Variants in GSK3B observed in about 807,000 individuals in gnomAD.
The protein encoded by GSK3B is glycogen synthase kinase-3 beta.
Under a neutral mutation model 56.4 loss-of-function variants are expected in GSK3B, and 15 were observed. The ratio of observed to expected loss-of-function variants is 0.27; its 90% confidence interval spans 0.18 to 0.41. The LOEUF is 0.41. GSK3B is among the 10% of genes least tolerant of loss of function. GSK3B has a pLI of 1.00. For missense variants in GSK3B, 300 were observed against 513.4 expected, an observed-to-expected ratio of 0.58 and a Z score of 4.02; for synonymous variants, 181 against 188.9, an observed-to-expected ratio of 0.96 and a Z score of 0.34.
chr3:120,002,344 AT>A (rs200371314), intron 1 of GSK3B, 105 bp from the exon 2 acceptor site: 7,019 of 436,964 alleles, frequency 0.016, 3 homozygotes, highest in East Asian at 0.022. Context: ...TTTTTATTTT[AT>A]TTTTTTTTTT....
chr3:119,915,649 C>T (rs1317963584), intron 5 of GSK3B, among the ~76,000 whole-genome samples: 1 of 151,890 alleles, frequency 6.6e-6, no homozygotes, highest in Non-Finnish European at 1.5e-5. Context: ...TTAATGTTTC[C>T]TAGACATCAT....
intron 7 of GSK3B, among the ~76,000 whole-genome samples, chr3:119,900,278 A>G (rs1043766037): frequency 6.6e-6 from 1 of 152,120 alleles, no homozygotes; most frequent in Non-Finnish European, 1.5e-5. Flanking sequence ...GAGGTGTAGC[A>G]TTGACTAATT....
intron 1 of GSK3B, chr3:120,029,330 T>C: frequency 2.7e-6 from 2 of 744,912 alleles, no homozygotes. Context: ...ATTTCGCATC[T>C]AATCCAGCCT....
chr3:120,093,890 G>C lies in GSK3B; in HGVS notation c.-456C>G, dbSNP rs769047496. On this transcript the variant is annotated 5_prime_UTR_variant, in exon 1 of 11. It adds an upstream start codon to the 5' untranslated region. Coordinates refer to ENST00000264235, the MANE Select transcript of GSK3B (RefSeq NM_001146156.2). ...AGTCTCACGCTTGAAGAGAAAGGGG[G>C]ATGGGTAGGAGGGAGGGAGAGGGAG... 7 of 191,136 alleles carry C rather than the reference G, an allele frequency of 3.7e-5. No homozygotes were observed. The highest frequency in any genetic ancestry group is 4.3e-5 in the Non-Finnish European group (4 of 92,078). 11.8% of individuals were successfully genotyped at this position (191,136 alleles called of 1,614,324 possible).
intron 2 of GSK3B, among the ~76,000 whole-genome samples, chr3:119,995,063 C>T (rs866750319): frequency 7.9e-6 from 1 of 126,634 alleles, no homozygotes; most frequent in East Asian, 1.9e-4. Flanking sequence ...CTGGCACACA[C>T]GTCTATAATC....
At chr3:120,092,966 A>C (rs1559910734) in intron 1 of GSK3B, among the ~76,000 whole-genome samples, 3 of 152,202 alleles carry the variant, frequency 2.0e-5, no homozygotes, top group Non-Finnish European at 1.5e-5. Context: ...GCAAATGTGC[A>C]TAATGGTTTA....
chr3:120,079,264 G>A (rs1376100269), intron 1 of GSK3B, among the ~76,000 whole-genome samples: 3 of 134,014 alleles, frequency 2.2e-5, no homozygotes, highest in Non-Finnish European at 4.7e-5. Flanking sequence ...CTTTGAAAAA[G>A]CACAACTCTC....
At chr3:120,046,889 G>A (rs2058108362) in intron 1 of GSK3B, among the ~76,000 whole-genome samples, 1 of 152,160 alleles carries the variant, frequency 6.6e-6, no homozygotes, top group South Asian at 2.1e-4. Context: ...GGGATTATGG[G>A]TGTGAGCCAC....
intron 2 of GSK3B, among the ~76,000 whole-genome samples, chr3:119,970,187 G>A (rs963119000): frequency 6.6e-6 from 1 of 152,152 alleles, no homozygotes; most frequent in African/African-American, 2.4e-5. Flanking sequence ...AGGTTTTAGT[G>A]CCATCTGCAG....
intron 2 of GSK3B, among the ~76,000 whole-genome samples, chr3:119,975,320 G>A (rs577330427): frequency 3.0e-4 from 46 of 152,162 alleles, no homozygotes; most frequent in African/African-American, 1.0e-3. Flanking sequence ...GGTGGTACAC[G>A]CCTGTAATCT....
intron 10 of GSK3B, chr3:119,832,850 C>A: frequency 3.6e-6 from 1 of 276,468 alleles, no homozygotes; most frequent in Non-Finnish European, 5.5e-6. Flanking sequence ...CCAAAAGAGT[C>A]CATGAGGCTG....
At chr3:120,063,636 G>A (rs543107687) in intron 1 of GSK3B, among the ~76,000 whole-genome samples, 11 of 151,654 alleles carry the variant, frequency 7.3e-5, no homozygotes, top group African/African-American at 2.4e-4. Context: ...GCTGAGGCAG[G>A]AGAATCGCTT....
intron 1 of GSK3B, among the ~76,000 whole-genome samples, chr3:120,010,692 C>G (rs989695731): frequency 6.6e-6 from 1 of 152,066 alleles, no homozygotes; most frequent in Non-Finnish European, 1.5e-5. Context: ...GTGGCACATG[C>G]CTGTAAGTGA....
intron 2 of GSK3B, among the ~76,000 whole-genome samples, chr3:119,960,295 G>C (rs2057259093): frequency 6.6e-6 from 1 of 152,090 alleles, no homozygotes; most frequent in African/African-American, 2.4e-5. Context: ...TGGGTGTTAG[G>C]GGTGGAGTAA....
At chr3:120,052,935 G>A (rs181630722) in intron 1 of GSK3B, among the ~76,000 whole-genome samples, 1 of 152,150 alleles carries the variant, frequency 6.6e-6, no homozygotes, top group African/African-American at 2.4e-5. Flanking sequence ...AAGCTCTTAG[G>A]TAAGTCATTT....
intron 2 of GSK3B, among the ~76,000 whole-genome samples, chr3:119,968,031 AT>A (rs1420855470): frequency 1.3e-5 from 2 of 151,572 alleles, no homozygotes; most frequent in Non-Finnish European, 2.9e-5. Flanking sequence ...AATTTTTTGT[AT>A]TTTTAGTAGG....
intron 7 of GSK3B, among the ~76,000 whole-genome samples, chr3:119,890,791 C>T (rs1289453223): frequency 6.8e-6 from 1 of 147,372 alleles, no homozygotes; most frequent in Non-Finnish European, 1.5e-5. Context: ...GTTGCCTTTA[C>T]TAAATGCAAA....
intron 7 of GSK3B, among the ~76,000 whole-genome samples, chr3:119,901,278 CT>C (rs1306011425): frequency 1.3e-5 from 2 of 152,156 alleles, no homozygotes; most frequent in East Asian, 3.9e-4. Flanking sequence ...TGGAATTTGT[CT>C]TTTTACAAAT....
intron 7 of GSK3B, 78 bp downstream of exon 7, chr3:119,905,677 G>GT (rs1176429422): frequency 1.2e-6 from 1 of 822,440 alleles, no homozygotes; most frequent in African/African-American, 1.7e-5. Context: ...TTTCTCGTAT[G>GT]TGTACATGTG....
Sources: allele counts gnomAD v4.1 joint callset (sites outside exome capture counted in the v4.1 genomes callset), GRCh38; gene constraint gnomAD v4.1.1; transcripts MANE v1.5; gene names NCBI Gene and HGNC (gene_info 2026-07-23, HGNC 2026-07-21).